Variants in RB1 observed in about 807,000 individuals in gnomAD.
RB1 encodes the protein RB transcriptional corepressor 1.
Under a neutral mutation model 135.4 loss-of-function variants are expected in RB1, and 18 were observed. The ratio of observed to expected loss-of-function variants is 0.13; its 90% CI spans 0.09 to 0.20. The LOEUF (loss-of-function observed/expected upper bound fraction) is 0.20. Among genes scored for constraint, RB1 ranks in the 10% least tolerant of loss-of-function variants. The probability of loss-of-function intolerance (pLI) is 1.00; values close to 1 mark genes in which losing one functional copy is unlikely to be tolerated. For missense variants in RB1, 868 were observed against 1,110.0 expected (o/e 0.78, Z 3.10); for synonymous variants, 365 against 373.2 (o/e 0.98, Z 0.25).
chr13:48,345,054 A>C, intron 3 of RB1, 26 bp from the exon 4 acceptor site: 1 of 1,600,724 alleles, frequency 6.2e-7, no homozygotes, highest in Non-Finnish European at 8.5e-7. Flanking sequence ...TTACTGATTT[A>C]CTTTTTTCTA....
chr13:48,303,848 T>C lies in RB1; in HGVS notation c.-65T>C. 6.7e-7 allele frequency: 1 copy of C among 1,495,054 alleles called. No individual in the cohort carries two copies. The highest frequency in any genetic ancestry group is 8.9e-7 in the Non-Finnish European group (1 of 1,129,408). The allele number at this position is 1,495,054 out of a possible 1,614,324, so 92.6% of individuals were successfully genotyped here. ...GGAGAGGACGGGGCGTGCCCCGACG[T>C]GCGCGCGCGTCGTCCTCCCCGGCGC... On this transcript the variant is annotated 5_prime_UTR_variant, in exon 1 of 27. Transcript: ENST00000267163.
Position 48,360,063 on chromosome 13 carries a change from A to C in RB1, c.654A>C (p.Leu218Phe), listed in dbSNP as rs969056249. Residue 218 changes from leucine (L) to phenylalanine (F), a missense_variant, in exon 7 of 27, where the codon TTA becomes TTC. Leu to Phe is a conservative substitution (Grantham distance 22, BLOSUM62 0). Coordinates refer to ENST00000267163, the MANE Select transcript of RB1 (RefSeq NM_000321.3). ...MEDDLVISFQ[L>F]MLCVLDYFIK... Reference sequence around the variant, plus strand: ...ATGATCTGGTGATTTCATTTCAGTTAATGCTATGTGTCCTTGACTATTTTA... The same window carrying C: ...ATGATCTGGTGATTTCATTTCAGTTCATGCTATGTGTCCTTGACTATTTTA... 1 of 1,612,556 alleles carries C rather than the reference A, an allele frequency of 6.2e-7. No homozygotes were observed. Among genetic ancestry groups the C allele is most frequent in the African/African-American group, 1.3e-5 (1 of 74,832 alleles).
intron 20 of RB1, among the ~76,000 whole-genome samples, chr13:48,463,005 G>T (rs1949415345): frequency 6.6e-6 from 1 of 152,190 alleles, no homozygotes; most frequent in African/African-American, 2.4e-5. Context: ...AAGCAAAAAT[G>T]ATTATTTGGC....
At chr13:48,324,582 G>A (rs1952268830) in intron 2 of RB1, among the ~76,000 whole-genome samples, 1 of 152,006 alleles carries the variant, frequency 6.6e-6, no homozygotes, top group Admixed American at 6.5e-5. Flanking sequence ...TTGTTTATAT[G>A]TACCACATTT....
Position 48,473,404 on chromosome 13 carries a change from T to G in RB1, c.2520+14T>G, listed in dbSNP as rs752189708. 3.2e-6 allele frequency: 5 copies of G among 1,546,478 alleles called. No homozygotes were observed. In the African/African-American group the frequency reaches 6.8e-5, roughly 21 times the overall value. On this transcript the variant is annotated intron_variant, in intron 24 of 26. Transcript: ENST00000267163. The stretch of plus-strand genomic sequence containing the variant: ...GAATCATTCGGGGTGAGTATTTTCT[T>G]TCTATGAAATATAATAGTATGCATT...
intron 17 of RB1, chr13:48,408,875 C>A (rs1205861778): frequency 6.6e-6 from 1 of 151,992 alleles, no homozygotes; most frequent in Non-Finnish European, 1.5e-5. Flanking sequence ...TATGATCTTG[C>A]CTTAAGTTGA....
At position 48,371,669 on chromosome 13, in the gene RB1, T is replaced by TA. The variant is rs569019361; in HGVS notation, c.1128-1727dup. 6.0e-3 allele frequency among the ~76,000 whole-genome samples: 902 copies of TA among 151,132 alleles called. 6 individuals carry two copies. The highest frequency in any genetic ancestry group is 0.01 in the Middle Eastern group (3 of 290). On this transcript the variant is annotated intron_variant, in intron 11 of 26. Coordinates refer to ENST00000267163, the MANE Select transcript of RB1 (RefSeq NM_000321.3). Reference sequence around the variant, plus strand: ...GGAATCATCAGGGGAGTTAAACCCATAAAAAAAAATGAGATTGCTTGAAGG... The same window carrying TA: ...GGAATCATCAGGGGAGTTAAACCCATAAAAAAAAAATGAGATTGCTTGAAGG...
chr13:48,397,048 C>G lies in RB1; in HGVS notation c.1695+15605C>G, dbSNP rs989567022. On this transcript the variant is annotated intron_variant, in intron 17 of 26. Transcript: ENST00000267163. ...AGGAATGGTTTTATACTGTTGGTGG[C>G]AGTGTAAATTAGTTCAACCATTGTG... Among the ~76,000 whole-genome samples the G allele has an allele frequency of 6.6e-5, 10 of 152,074 alleles. 1 individual carries two copies. Among genetic ancestry groups the G allele is most frequent in the Admixed American group, 3.9e-4 (6 of 15,266 alleles).
chr13:48,358,285 A>G (rs1189232738), intron 6 of RB1, among the ~76,000 whole-genome samples: 1 of 152,080 alleles, frequency 6.6e-6, no homozygotes, highest in Non-Finnish European at 1.5e-5. Context: ...CTATGTTTAC[A>G]TAATCACTGT....
chr13:48,349,817 A>G (rs1367040735), intron 6 of RB1, among the ~76,000 whole-genome samples: 1 of 152,086 alleles, frequency 6.6e-6, no homozygotes, highest in African/African-American at 2.4e-5. Flanking sequence ...CTATAAAGAC[A>G]CATACCGACT....
chr13:48,475,708 C>T (rs1482164796), intron 24 of RB1, among the ~76,000 whole-genome samples: 6 of 152,180 alleles, frequency 3.9e-5, no homozygotes, highest in African/African-American at 1.4e-4. Context: ...AGGTGAATAC[C>T]AGGAGGTGGG....
chr13:48,357,591 G>A (rs1316884046), intron 6 of RB1, among the ~76,000 whole-genome samples: 1 of 152,022 alleles, frequency 6.6e-6, no homozygotes, highest in African/African-American at 2.4e-5. Context: ...GGCCCATTGT[G>A]TTAAGAAGGA....
chr13:48,318,539 C>A, intron 2 of RB1: 2 of 814,236 alleles, frequency 2.5e-6, no homozygotes, highest in Middle Eastern at 3.7e-4. Context: ...CTGCGCCCTC[C>A]CCTCCCGGGA....
chr13:48,434,233 G>A (rs1221779967), intron 17 of RB1, among the ~76,000 whole-genome samples: 1 of 151,724 alleles, frequency 6.6e-6, no homozygotes, highest in Non-Finnish European at 1.5e-5. Context: ...GATCAGTTGA[G>A]GCCAGTAGTT....
chr13:48,380,022 T>G, intron 14 of RB1, 31 bp from the exon 15 acceptor site: 1 of 1,208,322 alleles, frequency 8.3e-7, no homozygotes, highest in Non-Finnish European at 1.1e-6. Context: ...TTAAACAACT[T>G]CTTTTTTTTT....
At chr13:48,348,563 T>C (rs1353204772) in intron 5 of RB1, among the ~76,000 whole-genome samples, 1 of 151,768 alleles carries the variant, frequency 6.6e-6, no homozygotes, top group Non-Finnish European at 1.5e-5. Context: ...TTAAGGTAAT[T>C]TGAAACAAAG....
At position 48,328,472 on chromosome 13, in the gene RB1, C is replaced by A. The variant is rs144428210; in HGVS notation, c.265-14127C>A. The A allele has an allele frequency of 9.4e-4, 855 of 905,874 alleles. 3 individuals are homozygous for A. In the African/African-American group the frequency reaches 0.012, roughly 12 times the overall value. 56.1% of individuals were successfully genotyped at this position (905,874 alleles called of 1,614,324 possible). On this transcript the variant is annotated intron_variant, in intron 2 of 26. Transcript: ENST00000267163. The stretch of plus-strand genomic sequence containing the variant: ...TTCTTCAGCTGATCGCTTCTCAGCG[C>A]TGCGGCTGGAACTTTCCTCTCCATT...
chr13:48,304,763 C>CT lies in RB1; in HGVS notation c.137+724dup, dbSNP rs201851578. Among the ~76,000 whole-genome samples the CT allele has an allele frequency of 1.4e-4, 21 of 150,428 alleles. No individual in the cohort carries two copies. In the Middle Eastern group the frequency reaches 0.01, roughly 74 times the overall value. On this transcript the variant is annotated intron_variant, in intron 1 of 26. Coordinates refer to ENST00000267163, the MANE Select transcript of RB1 (RefSeq NM_000321.3). ...CCAGAAGTGCTTGAAAGTTTCTAAACTTTTTTTTTTCCTGTTTGATGAACT... is the reference window on the plus strand; with the variant it reads ...CCAGAAGTGCTTGAAAGTTTCTAAACTTTTTTTTTTTCCTGTTTGATGAACT...
intron 2 of RB1, chr13:48,328,164 C>T: frequency 7.0e-7 from 1 of 1,421,082 alleles, no homozygotes; most frequent in East Asian, 2.3e-5. Context: ...CCCATGCTTT[C>T]CTTTATTGAA....
Sources: gnomAD v4.1 joint callset for allele counts (sites outside exome capture counted in the v4.1 genomes callset) on GRCh38, gnomAD v4.1.1 for gene constraint, MANE v1.5 for transcripts, NCBI Gene and HGNC (gene_info 2026-07-23, HGNC 2026-07-21) for gene names.